Variants in SHISA9 observed in about 807,000 individuals in gnomAD.
SHISA9 encodes protein shisa-9.
In SHISA9, 13 loss-of-function variants were observed where a neutral mutation model predicts 38.0. That is an observed-to-expected ratio of 0.34 (90% CI 0.22 to 0.54). The LOEUF (loss-of-function observed/expected upper bound fraction) is 0.54, where lower values mean the gene tolerates loss of function less well. Among genes scored for constraint, SHISA9 ranks in the 20% least tolerant of loss-of-function variants. SHISA9 has a pLI of 0.91. For missense variants in SHISA9, 538 were observed against 575.8 expected (o/e 0.93, Z 0.67); for synonymous variants, 275 against 242.0 (o/e 1.14, Z -1.27).
chr16:13,457,274 C>T, the SHISA9 span, among the ~76,000 whole-genome samples: 836 of 151,894 alleles, frequency 5.5e-3, 6 homozygotes, highest in African/African-American at 0.019. Flanking sequence ...CCATTGCACT[C>T]CAGCCTGGGC....
chr16:13,554,714 A>T, the SHISA9 span, among the ~76,000 whole-genome samples: 3 of 152,006 alleles, frequency 2.0e-5, no homozygotes, highest in East Asian at 3.9e-4. Context: ...CTGGTCTCGA[A>T]CTCCTCACCT....
At chr16:13,539,358 T>TATA in the SHISA9 span, among the ~76,000 whole-genome samples, 1 of 65,358 alleles carries the variant, frequency 1.5e-5, no homozygotes, top group South Asian at 6.3e-4. Flanking sequence ...TATATATATA[T>TATA]AAAGACAGGA....
the SHISA9 span, among the ~76,000 whole-genome samples, chr16:13,412,978 TAAAG>T: frequency 6.0e-5 from 9 of 151,072 alleles, no homozygotes; most frequent in Admixed American, 1.3e-4. Flanking sequence ...AATAAATAAA[TAAAG>T]GAATGAATGA....
chr16:13,168,970 C>A (rs1049426372), intron 2 of SHISA9, among the ~76,000 whole-genome samples: 4 of 152,212 alleles, frequency 2.6e-5, no homozygotes, highest in Admixed American at 2.0e-4. Context: ...TCACCATGAT[C>A]ATTGTTTTTA....
At chr16:12,995,202 G>A (rs7184718) in intron 2 of SHISA9, among the ~76,000 whole-genome samples, 28,977 of 152,032 alleles carry the variant, frequency 0.19, 3,407 homozygotes, top group Middle Eastern at 0.3. Flanking sequence ...ATCCATCCCC[G>A]CAAGCATTTC....
the SHISA9 span, among the ~76,000 whole-genome samples, chr16:13,366,289 C>T: frequency 6.6e-6 from 1 of 152,178 alleles, no homozygotes; most frequent in Admixed American, 6.5e-5. Context: ...CTTGTAGTGC[C>T]TGTAGCATAG....
intron 2 of SHISA9, among the ~76,000 whole-genome samples, chr16:12,963,075 C>T (rs904167691): frequency 6.6e-6 from 1 of 152,202 alleles, no homozygotes; most frequent in African/African-American, 2.4e-5. Context: ...CAATCACACC[C>T]CTTTCTGCTT....
chr16:13,509,868 A>G, the SHISA9 span, among the ~76,000 whole-genome samples: 1 of 152,178 alleles, frequency 6.6e-6, no homozygotes, highest in East Asian at 1.9e-4. Context: ...TTGATTACCC[A>G]TGTGATTTAG....
At chr16:12,920,170 C>A (rs904560427) in intron 2 of SHISA9, among the ~76,000 whole-genome samples, 2 of 128,654 alleles carry the variant, frequency 1.6e-5, no homozygotes, top group African/African-American at 5.9e-5. Flanking sequence ...TGTTTCAAGT[C>A]GTGGGTACGG....
the SHISA9 span, among the ~76,000 whole-genome samples, chr16:13,330,078 C>A: frequency 6.6e-6 from 1 of 152,214 alleles, no homozygotes; most frequent in African/African-American, 2.4e-5. Context: ...AGGGCTAACA[C>A]ATTGTAAGTT....
chr16:13,317,094 A>C, the SHISA9 span, among the ~76,000 whole-genome samples: 1 of 152,160 alleles, frequency 6.6e-6, no homozygotes, highest in Admixed American at 6.5e-5. Flanking sequence ...AGAGGTCAGA[A>C]CTTCCTCCTT....
chr16:13,283,254 C>T, the SHISA9 span, among the ~76,000 whole-genome samples: 1 of 152,150 alleles, frequency 6.6e-6, no homozygotes, highest in Non-Finnish European at 1.5e-5. Context: ...ATTTTTCTAA[C>T]TCAGCTAACT....
At chr16:12,914,013 C>T (rs1342497717) in intron 1 of SHISA9, among the ~76,000 whole-genome samples, 4 of 151,126 alleles carry the variant, frequency 2.6e-5, no homozygotes, top group Admixed American at 6.6e-5. Flanking sequence ...GATTTGCAGC[C>T]CTCGTTTATT....
intron 2 of SHISA9, among the ~76,000 whole-genome samples, chr16:13,133,793 C>T (rs2050325033): frequency 6.6e-6 from 1 of 152,166 alleles, no homozygotes; most frequent in Admixed American, 6.5e-5. Flanking sequence ...TCAATTCTAT[C>T]AACTCGTTCA....
chr16:13,098,015 G>C (rs1001105495), intron 2 of SHISA9, among the ~76,000 whole-genome samples: 1 of 152,166 alleles, frequency 6.6e-6, no homozygotes, highest in Non-Finnish European at 1.5e-5. Context: ...GGTGCTTTAT[G>C]TATGCACAAT....
At position 12,908,129 on chromosome 16, in the gene SHISA9, A is replaced by ACATGGCTACTGCTGAG. The variant is rs55838036; in HGVS notation, c.563+5504_563+5505insTGGCTACTGCTGAGCA. On this transcript the variant is annotated intron_variant, in intron 1 of 4. Transcript: ENST00000558583. ...GAAAACAATGAGCTCAGGACCTGTC[A>ACATGGCTACTGCTGAG]CAACTATTACCCTTTTATCATCATC... Among the ~76,000 whole-genome samples the ACATGGCTACTGCTGAG allele has an allele frequency of 3.3e-5, 5 of 152,134 alleles. No individual in the cohort carries two copies. In the South Asian group the frequency reaches 1.0e-3, roughly 32 times the overall value.
intron 2 of SHISA9, among the ~76,000 whole-genome samples, chr16:12,953,208 TCAACAACAACAA>T (rs71393724): frequency 2.8e-4 from 42 of 148,672 alleles, no homozygotes; most frequent in African/African-American, 9.9e-4. Flanking sequence ...AAAAAACCCC[TCAACAACAACAA>T]CAACAACAAC....
intron 2 of SHISA9, among the ~76,000 whole-genome samples, chr16:13,040,247 C>T (rs1448930056): frequency 2.0e-5 from 3 of 152,218 alleles, no homozygotes; most frequent in African/African-American, 4.8e-5. Flanking sequence ...TGCTCCTGCT[C>T]TTCTATCCCT....
chr16:12,939,169 T>A (rs1459774279), intron 2 of SHISA9, among the ~76,000 whole-genome samples: 1 of 152,078 alleles, frequency 6.6e-6, no homozygotes, highest in African/African-American at 2.4e-5. Context: ...CTGCAGCTTC[T>A]GTCTTCCAAG....
Sources: gnomAD v4.1 joint callset for allele counts (sites outside exome capture counted in the v4.1 genomes callset) on GRCh38, gnomAD v4.1.1 for gene constraint, MANE v1.5 for transcripts, NCBI Gene and HGNC (gene_info 2026-07-23, HGNC 2026-07-21) for gene names.